The following KANSL1 variants were observed in gnomAD, a reference collection of about 807,000 sequenced individuals.
The protein encoded by KANSL1 is MLL1/MLL complex subunit KANSL1.
In KANSL1, 22 loss-of-function variants were observed where a neutral mutation model predicts 103.6. That is an observed-to-expected ratio of 0.21 (90% CI 0.15 to 0.30). The LOEUF (loss-of-function observed/expected upper bound fraction) is 0.30, where lower values mean the gene tolerates loss of function less well. KANSL1 is among the 10% of genes least tolerant of loss of function. The probability of loss-of-function intolerance (pLI) is 1.00; values close to 1 mark genes in which losing one functional copy is unlikely to be tolerated. For missense variants in KANSL1, 1,337 were observed against 1,399.8 expected, an observed-to-expected ratio of 0.96 and a Z score of 0.72; for synonymous variants, 600 against 527.6, an observed-to-expected ratio of 1.14 and a Z score of -1.88.
chr17:46,146,027 C>A (rs1028314570), intron 2 of KANSL1, among the ~76,000 whole-genome samples: 2 of 152,068 alleles, frequency 1.3e-5, no homozygotes, highest in Non-Finnish European at 2.9e-5. Flanking sequence ...ACCGTGCCAG[C>A]CCATACTAGC....
chr17:46,166,275 G>A (rs1237308946), intron 2 of KANSL1, among the ~76,000 whole-genome samples: 1 of 151,794 alleles, frequency 6.6e-6, no homozygotes, highest in Non-Finnish European at 1.5e-5. Flanking sequence ...ACTGTGGGAG[G>A]CCAAGGCGGG....
Position 46,031,213 on chromosome 17 carries a change from C to A in KANSL1, c.*263G>T. On this transcript the variant is annotated 3_prime_UTR_variant, in exon 15 of 15. Transcript: ENST00000432791. ...TGATTCAACAGTGCAGAGGATGTGCCAGGACCAGGCCAGCAGGGTCTCATC... is the reference window on the plus strand; with the variant it reads ...TGATTCAACAGTGCAGAGGATGTGCAAGGACCAGGCCAGCAGGGTCTCATC... 1 of 566,058 alleles carries A rather than the reference C, an allele frequency of 1.8e-6. No homozygotes were observed. The highest frequency in any genetic ancestry group is 3.2e-6 in the Non-Finnish European group (1 of 315,724). The allele number at this position is 566,058 out of a possible 1,614,324, so 35.1% of individuals were successfully genotyped here.
At chr17:46,189,928 T>C (rs77740201) in intron 1 of KANSL1, among the ~76,000 whole-genome samples, 1 of 118,146 alleles carries the variant, frequency 8.5e-6, no homozygotes, top group African/African-American at 2.9e-5. Context: ...AAAAAAAAAT[T>C]GCTTGCCTGA....
chr17:46,114,165 C>G (rs1453577797), intron 2 of KANSL1, among the ~76,000 whole-genome samples: 1 of 152,266 alleles, frequency 6.6e-6, no homozygotes, highest in South Asian at 2.1e-4. Flanking sequence ...TCTAGACCAG[C>G]GTGGCCAATA....
chr17:46,085,747 C>A (rs1347321930), intron 3 of KANSL1, among the ~76,000 whole-genome samples: 1 of 152,148 alleles, frequency 6.6e-6, no homozygotes, highest in Non-Finnish European at 1.5e-5. Flanking sequence ...TTGCCTCAAA[C>A]TCCCAAAGTG....
chr17:46,063,182 T>C (rs1195657206), intron 6 of KANSL1, among the ~76,000 whole-genome samples: 2 of 152,228 alleles, frequency 1.3e-5, no homozygotes, highest in African/African-American at 4.8e-5. Flanking sequence ...GTGTGTTCTG[T>C]ACTCTGTACT....
At position 46,031,362 on chromosome 17, in the gene KANSL1, G is replaced by C. The variant is rs546370187; in HGVS notation, c.*114C>G. 31 of 981,524 alleles carry C rather than the reference G, an allele frequency of 3.2e-5. No individual in the cohort carries two copies. Among genetic ancestry groups the C allele is most frequent in the Non-Finnish European group, 4.6e-5 (31 of 677,676 alleles). The allele number at this position is 981,524 out of a possible 1,614,324, so 60.8% of individuals were successfully genotyped here. On this transcript the variant is annotated 3_prime_UTR_variant, in exon 15 of 15. Transcript: ENST00000432791. ...CCAAAGTAGGATCTAAATTCCTTAA[G>C]TTCACTAAAAACTGTGAAAATTTCC...
At chr17:46,160,002 A>G (rs752595949) in intron 2 of KANSL1, among the ~76,000 whole-genome samples, 3 of 152,194 alleles carry the variant, frequency 2.0e-5, no homozygotes, top group Non-Finnish European at 4.4e-5. Context: ...CATTTCTCAA[A>G]ATAGAATCTT....
At position 46,082,555 on chromosome 17, in the gene KANSL1, G is replaced by A. The variant is rs1280259254; in HGVS notation, c.1432-13C>T. Reference sequence around the variant, plus strand: ...GAACTATCAACCCCTGCAGGATAGAGAGGAGAAAAATAGCATAAGTGAGCA... The same window carrying A: ...GAACTATCAACCCCTGCAGGATAGAAAGGAGAAAAATAGCATAAGTGAGCA... On this transcript the variant is annotated splice_polypyrimidine_tract_variant and intron_variant, in intron 3 of 14. Coordinates refer to ENST00000432791, the MANE Select transcript of KANSL1 (RefSeq NM_015443.4). The A allele has an allele frequency of 2.7e-6, 4 of 1,495,858 alleles. No homozygotes were observed. In the African/African-American group the frequency reaches 4.2e-5, roughly 16 times the overall value. 92.7% of individuals were successfully genotyped at this position (1,495,858 alleles called of 1,614,324 possible). A position where few individuals can be genotyped will look rare whatever the true frequency, so the allele number is the denominator to read the frequency against.
intron 2 of KANSL1, among the ~76,000 whole-genome samples, chr17:46,157,219 T>C (rs2045479288): frequency 6.6e-6 from 1 of 152,232 alleles, no homozygotes; most frequent in South Asian, 2.1e-4. Context: ...TTATGGTAAC[T>C]CCCCTGATCA....
At chr17:46,078,583 A>T (rs763864749) in intron 4 of KANSL1, among the ~76,000 whole-genome samples, 1 of 152,234 alleles carries the variant, frequency 6.6e-6, no homozygotes, top group Non-Finnish European at 1.5e-5. Flanking sequence ...TGAAGCAGTG[A>T]CTATTGAATT....
rs1449186528 is a variant in KANSL1, at chr17:46,172,176, C to T, written c.-33G>A. 6.3e-7 allele frequency: 1 copy of T among 1,586,252 alleles called. No homozygotes were observed. The highest frequency in any genetic ancestry group is 8.5e-7 in the Non-Finnish European group (1 of 1,172,470). On this transcript the variant is annotated 5_prime_UTR_variant, in exon 2 of 15. Transcript: ENST00000432791. ...AGAGAGACAGGAAGTCCAGCCTCTC[C>T]CGATGCCGAGGCCGAGGCCAGCTCC...
intron 1 of KANSL1, among the ~76,000 whole-genome samples, chr17:46,216,126 G>C (rs1046620811): frequency 6.6e-6 from 1 of 152,202 alleles, no homozygotes; most frequent in Admixed American, 6.5e-5. Flanking sequence ...GTGTATATGG[G>C]ATTGGAGATC....
Position 46,161,250 on chromosome 17 carries a change from T to TAAAA in KANSL1, c.1289+9601_1289+9604dup, listed in dbSNP as rs534754110. Among the ~76,000 whole-genome samples the TAAAA allele has an allele frequency of 8.2e-4, 65 of 79,382 alleles. 1 individual carries two copies. The highest frequency in any genetic ancestry group is 3.3e-3 in the African/African-American group (56 of 17,148). 52.1% of individuals were successfully genotyped at this position (79,382 alleles called of 152,430 possible). On this transcript the variant is annotated intron_variant, in intron 2 of 14. Coordinates refer to ENST00000432791, the MANE Select transcript of KANSL1 (RefSeq NM_015443.4). ...TAACATGATGAAACCCCACCTCTAC[T>TAAAA]AAAAAAAAAAAAAAAAAAAAAAAAA...
Position 46,067,593 on chromosome 17 carries a change from G to A in KANSL1, c.1608C>T (p.Thr536=). The A allele has an allele frequency of 1.2e-6, 2 of 1,609,020 alleles. No homozygotes were observed. Among genetic ancestry groups the A allele is most frequent in the Non-Finnish European group, 1.7e-6 (2 of 1,175,454 alleles). The change falls in exon 5 of 15, where the codon ACC becomes ACT. Residue 536 remains threonine (T), a synonymous_variant. Transcript: ENST00000432791. Reference sequence around the variant, plus strand: ...CAGGTCTGAGTGCTCCACATGATTTGGTAGACAGTGACTCTGAAATATGAC... The same window carrying A: ...CAGGTCTGAGTGCTCCACATGATTTAGTAGACAGTGACTCTGAAATATGAC... The part of the protein sequence containing the change: ...IIGHISESLS[T]KSCGALRPVN...
chr17:46,184,068 T>A (rs1024314895), intron 1 of KANSL1, among the ~76,000 whole-genome samples: 1 of 152,228 alleles, frequency 6.6e-6, no homozygotes, highest in Admixed American at 6.5e-5. Flanking sequence ...TGACCTCAAA[T>A]CACCAACTTA....
chr17:46,035,792 C>A (rs928025899), intron 10 of KANSL1: 1 of 152,158 alleles, frequency 6.6e-6, no homozygotes, highest in African/African-American at 2.4e-5. Context: ...CCTGAAACTT[C>A]TTGGGCTTGT....
At chr17:46,062,113 ACAAAC>A (rs2078187885) in intron 6 of KANSL1, among the ~76,000 whole-genome samples, 5 of 36,168 alleles carry the variant, frequency 1.4e-4, no homozygotes, top group South Asian at 1.4e-3. Context: ...AAAAAAACAA[ACAAAC>A]AAAAAAAAAA....
At chr17:46,079,168 A>G (rs1016508113) in intron 4 of KANSL1, among the ~76,000 whole-genome samples, 5 of 152,212 alleles carry the variant, frequency 3.3e-5, no homozygotes, top group Non-Finnish European at 7.3e-5. Context: ...TGACTCAAAA[A>G]AGGTTCACCC....
Sources: gnomAD v4.1 joint callset for allele counts (sites outside exome capture counted in the v4.1 genomes callset) on GRCh38, gnomAD v4.1.1 for gene constraint, MANE v1.5 for transcripts, NCBI Gene and HGNC (gene_info 2026-07-23, HGNC 2026-07-21) for gene names.